The following VPS13C variants were observed in gnomAD, a reference collection of about 807,000 sequenced individuals.
VPS13C encodes the protein intermembrane lipid transfer protein VPS13C.
In VPS13C, 358 loss-of-function variants were observed where a neutral mutation model predicts 456.8. The ratio of observed to expected loss-of-function variants is 0.78; its 90% CI spans 0.72 to 0.86. The LOEUF (loss-of-function observed/expected upper bound fraction) is 0.86. Ranked by LOEUF, VPS13C falls within the 40% of genes least tolerant of loss-of-function variation. VPS13C has a pLI of 0.00. For synonymous variants in VPS13C, 1,578 were observed against 1,486.7 expected, an observed-to-expected ratio of 1.06 and a Z score of -1.41; for missense variants, 4,818 against 4,385.4, an observed-to-expected ratio of 1.10 and a Z score of -2.79.
At position 61,978,739 on chromosome 15, in the gene VPS13C, T is replaced by TTA; in HGVS notation, c.2175_2176dup (p.Lys726IlefsTer17). On this transcript the variant is annotated frameshift_variant, in exon 23 of 85. Transcript: ENST00000644861. LOFTEE classifies it high-confidence loss of function. ...AGTAGTCTTCTGTAAACCTTGATCTTTACTGTTGAGCTAAAATGAAGGACA... is the reference window on the plus strand; with the variant it reads ...AGTAGTCTTCTGTAAACCTTGATCTTTATACTGTTGAGCTAAAATGAAGGACA... 1 of 1,596,438 alleles carries TTA rather than the reference T, an allele frequency of 6.3e-7. No individual in the cohort carries two copies. The highest frequency in any genetic ancestry group is 1.1e-5 in the South Asian group (1 of 87,160).
intron 16 of VPS13C, among the ~76,000 whole-genome samples, chr15:61,994,677 C>T (rs763492336): frequency 6.6e-6 from 1 of 151,878 alleles, no homozygotes; most frequent in African/African-American, 2.4e-5. Context: ...GCAACCTCCA[C>T]CTCCCGGGTT....
chr15:61,936,175 G>C lies in VPS13C; in HGVS notation c.5755+422C>G, dbSNP rs141959092. Among the ~76,000 whole-genome samples, 1,339 of 152,086 alleles carry C rather than the reference G, an allele frequency of 8.8e-3. 11 individuals are homozygous for C. The highest frequency in any genetic ancestry group is 0.014 in the Non-Finnish European group (945 of 67,976). ...TTATCTTATGTATTTGAAACATAAC[G>C]CTCCAATAAGTCCAGATAAATAAAG... is the stretch of plus-strand genomic sequence containing the variant. On this transcript the variant is annotated intron_variant, in intron 48 of 84. Transcript: ENST00000644861.
At chr15:62,040,926 T>G (rs2048221684) in intron 3 of VPS13C, among the ~76,000 whole-genome samples, 1 of 152,118 alleles carries the variant, frequency 6.6e-6, no homozygotes, top group African/African-American at 2.4e-5. Context: ...ATATATCAAG[T>G]GAAAATGGTT....
intron 48 of VPS13C, among the ~76,000 whole-genome samples, chr15:61,935,210 G>A (rs1384855675): frequency 1.3e-5 from 2 of 152,184 alleles, no homozygotes; most frequent in Admixed American, 6.5e-5. Context: ...AAGTAAGTCA[G>A]TCTTTTCTCT....
intron 51 of VPS13C, among the ~76,000 whole-genome samples, chr15:61,928,133 G>A (rs2043928644): frequency 6.6e-6 from 1 of 151,850 alleles, no homozygotes; most frequent in Non-Finnish European, 1.5e-5. Flanking sequence ...CATGGCACAG[G>A]TATACATATG....
At chr15:61,920,418 A>G in intron 56 of VPS13C, 80 bp downstream of exon 56, 1 of 1,494,514 alleles carries the variant, frequency 6.7e-7, no homozygotes, top group Non-Finnish European at 8.9e-7. Flanking sequence ...ATTTTTTGGA[A>G]ACTAATTTTG....
intron 3 of VPS13C, among the ~76,000 whole-genome samples, chr15:62,040,110 A>T (rs1397151981): frequency 1.3e-5 from 2 of 152,298 alleles, no homozygotes; most frequent in East Asian, 3.9e-4. Context: ...GCCAGGCACA[A>T]ATAGACAAGC....
chr15:61,914,878 TAAAAAAAAAAAAAAA>T (rs60910951), intron 61 of VPS13C, among the ~76,000 whole-genome samples: 7 of 102,048 alleles, frequency 6.9e-5, no homozygotes, highest in African/African-American at 2.2e-4. Context: ...AACTCTGCCT[TAAAAAAAAAAAAAAA>T]AAAAAAAAAA....
chr15:61,990,337 A>C (rs1204808598), intron 18 of VPS13C, among the ~76,000 whole-genome samples: 3 of 151,992 alleles, frequency 2.0e-5, no homozygotes, highest in Non-Finnish European at 2.9e-5. Flanking sequence ...ATAATTGCAC[A>C]CCTGTTCCCT....
chr15:62,058,281 G>C (rs1451337917), intron 1 of VPS13C, among the ~76,000 whole-genome samples: 1 of 152,082 alleles, frequency 6.6e-6, no homozygotes, highest in African/African-American at 2.4e-5. Flanking sequence ...CCAGTATTCT[G>C]AAGAAATACT....
Position 61,909,219 on chromosome 15 carries a change from G to GT in VPS13C, c.8845-95dup, listed in dbSNP as rs1440972954. ...TATTACGTAAAACACAAAAGCTTTGGTTTTTTTCGAGACAGAGTCTTGCTG... is the reference window on the plus strand; with the variant it reads ...TATTACGTAAAACACAAAAGCTTTGGTTTTTTTTCGAGACAGAGTCTTGCTG... On this transcript the variant is annotated intron_variant, in intron 64 of 84. Coordinates refer to ENST00000644861, the MANE Select transcript of VPS13C (RefSeq NM_020821.3). 8 of 1,496,200 alleles carry GT rather than the reference G, an allele frequency of 5.3e-6. No individual in the cohort carries two copies. The Admixed American group carries it at 7.8e-5, about 15-fold the overall frequency. 92.7% of individuals were successfully genotyped at this position (1,496,200 alleles called of 1,614,324 possible).
intron 27 of VPS13C, among the ~76,000 whole-genome samples, chr15:61,970,769 A>T (rs2045521969): frequency 6.6e-6 from 1 of 151,850 alleles, no homozygotes; most frequent in Non-Finnish European, 1.5e-5. Flanking sequence ...CATTCTAGGG[A>T]AAGTTGGAGA....
rs1234378616 is a variant in VPS13C at position 61,929,509 on chromosome 15, A to G, written c.6278T>C (p.Ile2093Thr). 6.8e-6 allele frequency: 11 copies of G among 1,613,960 alleles called. No homozygotes were observed. The East Asian group carries it at 2.2e-4, about 33-fold the overall frequency. The change falls in exon 51 of 85, where the codon ATA becomes ACA. Residue 2093 changes from isoleucine (I) to threonine (T), a missense_variant. By Grantham distance (89) the Ile-to-Thr change is moderately conservative (BLOSUM62 -1). Transcript: ENST00000644861. ...PRQTATGKVK[I>T]EKDDSVRPNM... ...AGATAAATTCTGCTAACCTTTCTCT[A>G]TCTTGACCTTCCCTGTGGCAGTCTG...
At chr15:61,938,932 G>C (rs930884517) in intron 47 of VPS13C, among the ~76,000 whole-genome samples, 1 of 151,924 alleles carries the variant, frequency 6.6e-6, no homozygotes, top group East Asian at 1.9e-4. Flanking sequence ...ATATATAATA[G>C]TATTATATTG....
intron 18 of VPS13C, among the ~76,000 whole-genome samples, chr15:61,985,535 G>A (rs1460990749): frequency 1.3e-5 from 2 of 152,178 alleles, no homozygotes; most frequent in Non-Finnish European, 2.9e-5. Context: ...AGGATTAAAG[G>A]CGTGAGCCAC....
intron 53 of VPS13C, among the ~76,000 whole-genome samples, chr15:61,924,421 A>G (rs2043774246): frequency 6.6e-6 from 1 of 152,158 alleles, no homozygotes; most frequent in African/African-American, 2.4e-5. Context: ...TTTCTCCCGC[A>G]TATGTCATTA....
intron 18 of VPS13C, among the ~76,000 whole-genome samples, chr15:61,986,979 A>G (rs2046076142): frequency 6.6e-6 from 1 of 152,176 alleles, no homozygotes; most frequent in African/African-American, 2.4e-5. Context: ...CAACAAAATA[A>G]TATAATTGGT....
At chr15:62,013,570 C>G (rs1454356743) in intron 10 of VPS13C, among the ~76,000 whole-genome samples, 1 of 151,866 alleles carries the variant, frequency 6.6e-6, no homozygotes, top group East Asian at 1.9e-4. Flanking sequence ...ATCTAAAGCT[C>G]TATAGTTTAA....
At chr15:61,907,243 C>T (rs770259324) in intron 66 of VPS13C, 21 bp downstream of exon 66, 1 of 1,613,210 alleles carries the variant, frequency 6.2e-7, no homozygotes, top group South Asian at 1.1e-5. Flanking sequence ...TCATATAGCA[C>T]TCATTCACAT....
Sources: allele counts gnomAD v4.1 joint callset (sites outside exome capture counted in the v4.1 genomes callset), GRCh38; gene constraint gnomAD v4.1.1; transcripts MANE v1.5; gene names NCBI Gene and HGNC (gene_info 2026-07-23, HGNC 2026-07-21).